CA10: variants seen among roughly 807,000 people sequenced by gnomAD.
The protein encoded by CA10 is carbonic anhydrase-related protein 10.
A neutral mutation model predicts 44.2 loss-of-function variants in CA10; 14 were observed. The observed-to-expected ratio is 0.32, with a 90% CI of 0.21 to 0.50. The LOEUF (loss-of-function observed/expected upper bound fraction) is 0.50, where lower values mean the gene tolerates loss of function less well. Among genes scored for constraint, CA10 ranks in the 20% least tolerant of loss-of-function variants. CA10 has a pLI of 0.99. For synonymous variants in CA10, 159 were observed against 141.6 expected (o/e 1.12, Z -0.87); for missense variants, 350 against 409.7 (o/e 0.85, Z 1.26).
chr17:51,806,452 G>A (rs554319620), intron 3 of CA10, among the ~76,000 whole-genome samples: 4 of 152,228 alleles, frequency 2.6e-5, no homozygotes, highest in Non-Finnish European at 4.4e-5. Context: ...CTATCAACTC[G>A]TTTGGTGGAT....
At chr17:52,073,354 A>T (rs1274335969) in intron 1 of CA10, among the ~76,000 whole-genome samples, 1 of 152,148 alleles carries the variant, frequency 6.6e-6, no homozygotes, top group East Asian at 1.9e-4. Context: ...TAGAGAGAAG[A>T]TTTACTAGAT....
chr17:51,666,569 C>T (rs1914215215), intron 4 of CA10, among the ~76,000 whole-genome samples: 1 of 151,596 alleles, frequency 6.6e-6, no homozygotes, highest in South Asian at 2.1e-4. Flanking sequence ...TGCCTGCCAA[C>T]TTTCCCCTAT....
At chr17:51,794,161 AT>A (rs1490978584) in intron 3 of CA10, among the ~76,000 whole-genome samples, 1 of 152,230 alleles carries the variant, frequency 6.6e-6, no homozygotes, top group Non-Finnish European at 1.5e-5. Flanking sequence ...GTCACCTTGA[AT>A]TTCTTGAATA....
intron 1 of CA10, among the ~76,000 whole-genome samples, chr17:52,123,304 A>G (rs577664077): frequency 7.0e-4 from 107 of 151,938 alleles, no homozygotes; most frequent in Non-Finnish European, 1.2e-3. Context: ...AGTTTGGTAT[A>G]GTAGTAACAG....
At position 51,633,666 on chromosome 17, in the gene CA10, T is replaced by G; in HGVS notation, c.790-16A>C. On this transcript the variant is annotated splice_polypyrimidine_tract_variant and intron_variant, in intron 7 of 8. Coordinates refer to ENST00000451037, the MANE Select transcript of CA10 (RefSeq NM_020178.5). Reference sequence around the variant, plus strand: ...AGGAATGCATCTGAGGAGAGAGAAGTGGCCGTGAGATCCAACCATCCTCTT... The same window carrying G: ...AGGAATGCATCTGAGGAGAGAGAAGGGGCCGTGAGATCCAACCATCCTCTT... 1 of 1,606,980 alleles carries G rather than the reference T, an allele frequency of 6.2e-7. No individual in the cohort carries two copies. The highest frequency in any genetic ancestry group is 1.1e-5 in the South Asian group (1 of 90,340).
intron 1 of CA10, among the ~76,000 whole-genome samples, chr17:52,140,011 G>A (rs1339490197): frequency 6.6e-6 from 1 of 152,158 alleles, no homozygotes; most frequent in Non-Finnish European, 1.5e-5. Flanking sequence ...CTAGTGATCT[G>A]AAATCCTTTC....
chr17:52,059,438 G>A (rs1388109035), intron 2 of CA10, among the ~76,000 whole-genome samples: 1 of 152,056 alleles, frequency 6.6e-6, no homozygotes, highest in East Asian at 1.9e-4. Flanking sequence ...ACCCGTTGCT[G>A]CATCTATTAT....
chr17:51,886,829 C>G (rs1367783170), intron 3 of CA10, among the ~76,000 whole-genome samples: 1 of 152,124 alleles, frequency 6.6e-6, no homozygotes, highest in Non-Finnish European at 1.5e-5. Context: ...CTTGGATATC[C>G]ATCTTCTCTC....
chr17:52,126,007 T>A (rs959107432), intron 1 of CA10, among the ~76,000 whole-genome samples: 4 of 152,140 alleles, frequency 2.6e-5, no homozygotes, highest in African/African-American at 9.7e-5. Context: ...CTATTCTAGG[T>A]GATGAAGGGA....
intron 4 of CA10, among the ~76,000 whole-genome samples, chr17:51,670,095 C>A (rs1914359943): frequency 1.3e-5 from 2 of 152,192 alleles, no homozygotes; most frequent in African/African-American, 2.4e-5. Flanking sequence ...CATCTTCCAC[C>A]ATGATTGTGA....
intron 3 of CA10, among the ~76,000 whole-genome samples, chr17:51,901,613 G>C (rs1281682324): frequency 2.0e-5 from 3 of 152,062 alleles, no homozygotes; most frequent in South Asian, 2.1e-4. Context: ...GGCAGGGATG[G>C]GGTACTAGTC....
chr17:52,073,503 G>A (rs1987739799), intron 1 of CA10, among the ~76,000 whole-genome samples: 1 of 152,152 alleles, frequency 6.6e-6, no homozygotes, highest in African/African-American at 2.4e-5. Flanking sequence ...TCTGACATAG[G>A]ATGAGTGAAA....
chr17:51,915,914 A>G (rs965069655), intron 3 of CA10, among the ~76,000 whole-genome samples: 3 of 151,856 alleles, frequency 2.0e-5, no homozygotes, highest in Non-Finnish European at 2.9e-5. Context: ...AACAGCATGG[A>G]CCCAAACTGC....
intron 2 of CA10, among the ~76,000 whole-genome samples, chr17:52,048,965 A>C (rs2144205835): frequency 6.6e-6 from 1 of 151,644 alleles, no homozygotes; most frequent in South Asian, 2.1e-4. Context: ...GAAGAAAATA[A>C]AAACAAGGTA....
chr17:51,868,057 AACACACACACACAC>A (rs34631877), intron 3 of CA10, among the ~76,000 whole-genome samples: 153 of 144,938 alleles, frequency 1.1e-3, no homozygotes, highest in Middle Eastern at 3.5e-3. Flanking sequence ...AAGCAGGTGT[AACACACACACACAC>A]ACACACACAC....
chr17:51,889,517 G>C (rs1016342402), intron 3 of CA10, among the ~76,000 whole-genome samples: 6 of 152,094 alleles, frequency 3.9e-5, no homozygotes, highest in African/African-American at 1.2e-4. Context: ...GTGAGGCCCT[G>C]TCTCAAAAAT....
intron 3 of CA10, among the ~76,000 whole-genome samples, chr17:51,825,889 C>T (rs796450662): frequency 7.2e-5 from 11 of 152,332 alleles, no homozygotes; most frequent in African/African-American, 2.4e-4. Flanking sequence ...CAAGATAGGA[C>T]TTCTGTATCA....
In CA10 at chr17:51,748,448, T is replaced by G. The variant is rs962419942; in HGVS notation, c.280-630A>C. ...TTACTCCTTATTCCTGATTCCATCT[T>G]GCTCCAGCCCCTTCAAACTGCTAAC... On this transcript the variant is annotated intron_variant, in intron 3 of 8. Coordinates refer to ENST00000451037, the MANE Select transcript of CA10 (RefSeq NM_020178.5). The G allele has an allele frequency of 3.1e-6, 3 of 983,524 alleles. No individual in the cohort carries two copies. In the African/African-American group the frequency reaches 5.2e-5, roughly 17 times the overall value. The allele number at this position is 983,524 out of a possible 1,614,324, so 60.9% of individuals were successfully genotyped here. A position where few individuals can be genotyped will look rare whatever the true frequency, so the allele number is the denominator to read the frequency against.
At chr17:52,048,283 G>A (rs1986968617) in intron 2 of CA10, among the ~76,000 whole-genome samples, 3 of 152,008 alleles carry the variant, frequency 2.0e-5, no homozygotes, top group African/African-American at 7.2e-5. Context: ...CCACTGGAAA[G>A]CAAGACAAAG....
Sources: gnomAD v4.1 joint callset for allele counts (sites outside exome capture counted in the v4.1 genomes callset) on GRCh38, gnomAD v4.1.1 for gene constraint, MANE v1.5 for transcripts, NCBI Gene and HGNC (gene_info 2026-07-23, HGNC 2026-07-21) for gene names.